The following DIPK2A variants were observed in gnomAD, a reference collection of about 807,000 sequenced individuals.
The protein encoded by DIPK2A is Golgi Protein of 49 kDa.
A neutral mutation model predicts 39.0 loss-of-function variants in DIPK2A; 27 were observed. That is an observed-to-expected ratio of 0.69 (90% CI 0.51 to 0.96). The LOEUF (loss-of-function observed/expected upper bound fraction) is 0.96. DIPK2A is among the 40% of genes least tolerant of loss of function. DIPK2A has a pLI of 0.00. For synonymous variants in DIPK2A, 298 were observed against 240.8 expected (o/e 1.24, Z -2.20); for missense variants, 528 against 571.3 (o/e 0.92, Z 0.77).
At chr3:143,978,628 ATATATATATATC>A (rs2087771001) in intron 1 of DIPK2A, 1 of 38,568 alleles carries the variant, frequency 2.6e-5, no homozygotes, top group African/African-American at 2.2e-4. Flanking sequence ...ATATCTATAT[ATATATATATATC>A]TATATATATA....
chr3:143,980,028 A>G (rs1193853206), intron 1 of DIPK2A, among the ~76,000 whole-genome samples: 1 of 152,198 alleles, frequency 6.6e-6, no homozygotes, highest in African/African-American at 2.4e-5. Flanking sequence ...TTAAGAAGCT[A>G]AGATCTTAGA....
chr3:143,980,183 C>A (rs999886810), intron 1 of DIPK2A, among the ~76,000 whole-genome samples: 2 of 152,132 alleles, frequency 1.3e-5, no homozygotes, highest in African/African-American at 4.8e-5. Context: ...TTATAACATG[C>A]GTTACTACAA....
rs2087957627 is a variant in DIPK2A at position 143,989,946 on chromosome 3, A to T, written c.*105A>T. On this transcript the variant is annotated 3_prime_UTR_variant, in exon 3 of 3. Coordinates refer to ENST00000315691, the MANE Select transcript of DIPK2A (RefSeq NM_173552.5). ...TGAAATTTGGAAGTGTTACATTCAGAGGATGATAAACTTGCACTGATAGAT... is the reference window on the plus strand; with the variant it reads ...TGAAATTTGGAAGTGTTACATTCAGTGGATGATAAACTTGCACTGATAGAT... 1.2e-6 allele frequency: 1 copy of T among 825,910 alleles called. No homozygotes were observed. Among genetic ancestry groups the T allele is most frequent in the Admixed American group, 2.8e-5 (1 of 35,568 alleles). The allele number at this position is 825,910 out of a possible 1,614,324, so 51.2% of individuals were successfully genotyped here.
In DIPK2A at chr3:143,990,336, C is replaced by T; in HGVS notation, c.*495C>T. The stretch of plus-strand genomic sequence containing the variant: ...AATTAAATTTTGAAAATTCAGGTTA[C>T]TGTAGGTGTTCATTTAAATTTTTAA... On this transcript the variant is annotated 3_prime_UTR_variant, in exon 3 of 3. Transcript: ENST00000315691. 6.9e-6 allele frequency: 1 copy of T among 144,988 alleles called. No individual in the cohort carries two copies. Among genetic ancestry groups the T allele is most frequent in the Admixed American group, 6.9e-5 (1 of 14,472 alleles). 9.0% of individuals were successfully genotyped at this position (144,988 alleles called of 1,614,324 possible). A position where few individuals can be genotyped will look rare whatever the true frequency, so the allele number is the denominator to read the frequency against.
chr3:143,989,138 T>C (rs1559857803), intron 2 of DIPK2A, among the ~76,000 whole-genome samples: 1 of 152,226 alleles, frequency 6.6e-6, no homozygotes, highest in Non-Finnish European at 1.5e-5. Flanking sequence ...CAGATTTGTT[T>C]TCTTTTAAGA....
In DIPK2A at chr3:143,989,710, G is replaced by A. The variant is rs1420297912; in HGVS notation, c.1162G>A (p.Glu388Lys). 10 of 1,614,238 alleles carry A rather than the reference G, an allele frequency of 6.2e-6. No homozygotes were observed. The South Asian group carries it at 9.9e-5, about 16-fold the overall frequency. ...SGGLLHDPPS[E>K]IAKDGRLEAL... is the part of the protein sequence containing the mutation. ...AGGACTCCTTCATGATCCACCAAGT[G>A]AAATTGCCAAAGATGGCCGGCTCGA... The change falls in exon 3 of 3, where the codon GAA becomes AAA. Residue 388 changes from glutamate (E) to lysine (K), a missense_variant. By Grantham distance (56) the Glu-to-Lys change is moderately conservative. Around this residue, in one of 2 missense-constraint regions of DIPK2A, gnomAD observed 219 missense variants for 281.5 expected, o/e 0.78. Coordinates refer to ENST00000315691, the MANE Select transcript of DIPK2A (RefSeq NM_173552.5).
intron 1 of DIPK2A, chr3:143,978,413 A>G (rs1291981258): frequency 6.6e-6 from 1 of 152,386 alleles, no homozygotes; most frequent in Non-Finnish European, 1.5e-5. Context: ...CTTTGAATTT[A>G]TAACCAAAAG....
chr3:143,977,238 CCTT>C (rs1289624083), intron 1 of DIPK2A, among the ~76,000 whole-genome samples: 12 of 152,168 alleles, frequency 7.9e-5, no homozygotes, highest in South Asian at 6.2e-4. Flanking sequence ...GGACTCACTT[CCTT>C]CTTTATAAAA....
intron 2 of DIPK2A, among the ~76,000 whole-genome samples, chr3:143,986,487 G>T (rs2087900963): frequency 6.6e-6 from 1 of 152,184 alleles, no homozygotes; most frequent in Non-Finnish European, 1.5e-5. Context: ...CACTTTGGGA[G>T]GCCGAGGCGG....
intron 1 of DIPK2A, among the ~76,000 whole-genome samples, chr3:143,979,890 G>A (rs991930511): frequency 3.9e-5 from 6 of 152,110 alleles, no homozygotes; most frequent in African/African-American, 1.2e-4. Flanking sequence ...TTTGAGGTGG[G>A]TGGAAAATGG....
Sources: allele counts gnomAD v4.1 joint callset (sites outside exome capture counted in the v4.1 genomes callset), GRCh38; gene constraint gnomAD v4.1.1; regional missense constraint gnomAD v4.1.1; transcripts MANE v1.5; gene names NCBI Gene and HGNC (gene_info 2026-07-23, HGNC 2026-07-21).